The following GPHN variants were observed in gnomAD, a reference collection of about 807,000 sequenced individuals.
The protein encoded by GPHN is gephyrin.
GPHN carries 17 observed loss-of-function variants against 95.5 expected under a neutral mutation model. The ratio of observed to expected loss-of-function variants is 0.18; its 90% CI spans 0.12 to 0.27. The LOEUF is 0.27. Among genes scored for constraint, GPHN ranks in the 10% least tolerant of loss-of-function variants. The probability of loss-of-function intolerance (pLI) is 1.00; values close to 1 mark genes in which losing one functional copy is unlikely to be tolerated. For missense variants in GPHN, 660 were observed against 978.1 expected (o/e 0.67, Z 4.34); for synonymous variants, 320 against 322.5 (o/e 0.99, Z 0.08).
the GPHN span, chr14:67,586,404 T>C: frequency 7.4e-7 from 1 of 1,347,750 alleles, no homozygotes; most frequent in Non-Finnish European, 9.7e-7. Flanking sequence ...GGTGCTTACG[T>C]GCTCTTCTCT....
intron 12 of GPHN, among the ~76,000 whole-genome samples, chr14:67,100,491 C>A (rs2077637270): frequency 6.6e-6 from 1 of 152,228 alleles, no homozygotes; most frequent in East Asian, 1.9e-4. Flanking sequence ...ACACACACAT[C>A]ACACATACAT....
chr14:67,051,577 C>T (rs2075308301), intron 10 of GPHN, among the ~76,000 whole-genome samples: 1 of 152,142 alleles, frequency 6.6e-6, no homozygotes, highest in African/African-American at 2.4e-5. Flanking sequence ...GCAAGATAGG[C>T]CAACATTCAA....
intron 1 of GPHN, among the ~76,000 whole-genome samples, chr14:66,584,575 T>C (rs1221367192): frequency 6.6e-6 from 1 of 152,158 alleles, no homozygotes; most frequent in East Asian, 1.9e-4. Flanking sequence ...AATATCTAAT[T>C]TATTGAGAGT....
intron 3 of GPHN, among the ~76,000 whole-genome samples, chr14:66,791,599 A>C (rs1266917959): frequency 6.6e-6 from 1 of 152,216 alleles, no homozygotes; most frequent in African/African-American, 2.4e-5. Flanking sequence ...TGACATTGCC[A>C]TGGCATTTGT....
chr14:66,826,178 G>A (rs983696238), intron 4 of GPHN, among the ~76,000 whole-genome samples: 3 of 152,074 alleles, frequency 2.0e-5, no homozygotes, highest in African/African-American at 7.2e-5. Context: ...ATAATTGATC[G>A]TGGGGAAATA....
chr14:66,762,529 A>C (rs2058795729), intron 2 of GPHN, among the ~76,000 whole-genome samples: 1 of 149,024 alleles, frequency 6.7e-6, no homozygotes, highest in Non-Finnish European at 1.5e-5. Context: ...TCTAAGAAAT[A>C]TATGGATTTG....
At chr14:66,758,463 T>C (rs2058646633) in intron 2 of GPHN, among the ~76,000 whole-genome samples, 1 of 152,162 alleles carries the variant, frequency 6.6e-6, no homozygotes, top group Admixed American at 6.5e-5. Flanking sequence ...CAGAGGCTTG[T>C]CTAAGGATCC....
chr14:67,256,823 C>T, the GPHN span, among the ~76,000 whole-genome samples: 21 of 152,030 alleles, frequency 1.4e-4, no homozygotes, highest in Admixed American at 2.6e-4. Flanking sequence ...CACACACACA[C>T]ATGAAACTGA....
chr14:66,593,688 A>G (rs1349142769), intron 1 of GPHN, among the ~76,000 whole-genome samples: 2 of 152,152 alleles, frequency 1.3e-5, no homozygotes, highest in Non-Finnish European at 2.9e-5. Flanking sequence ...CATAATAAAG[A>G]CAATATACCA....
chr14:66,987,742 T>C (rs2071122437), intron 9 of GPHN, among the ~76,000 whole-genome samples: 1 of 152,050 alleles, frequency 6.6e-6, no homozygotes, highest in Non-Finnish European at 1.5e-5. Context: ...TTAATCAAAA[T>C]AAAATGTTGA....
intron 1 of GPHN, among the ~76,000 whole-genome samples, chr14:66,553,542 CT>C (rs1487704090): frequency 6.6e-6 from 1 of 151,968 alleles, no homozygotes; most frequent in East Asian, 1.9e-4. Flanking sequence ...CGTCAATATA[CT>C]GTTAATCCTC....
the GPHN span, chr14:67,724,663 A>G: frequency 8.6e-7 from 1 of 1,167,716 alleles, no homozygotes; most frequent in Non-Finnish European, 1.3e-6. Flanking sequence ...CTCTGTCCAT[A>G]TTGCTTTGTG....
intron 1 of GPHN, among the ~76,000 whole-genome samples, chr14:66,637,187 G>A (rs1243912976): frequency 6.6e-6 from 1 of 151,950 alleles, no homozygotes; most frequent in East Asian, 1.9e-4. Flanking sequence ...TAGAATATAG[G>A]GTGTGATTTG....
chr14:67,397,887 G>A, the GPHN span: 151 of 1,416,630 alleles, frequency 1.1e-4, no homozygotes, highest in South Asian at 2.0e-3. Context: ...GGTGTTCAGG[G>A]AGGGGGTGTC....
chr14:66,867,247 A>G (rs2063260318), intron 4 of GPHN, among the ~76,000 whole-genome samples: 1 of 152,154 alleles, frequency 6.6e-6, no homozygotes, highest in Non-Finnish European at 1.5e-5. Context: ...TCCAGATTGC[A>G]TCTTCTCTGT....
chr14:67,125,897 T>C (rs1313316165), intron 17 of GPHN, among the ~76,000 whole-genome samples: 1 of 152,212 alleles, frequency 6.6e-6, no homozygotes, highest in Non-Finnish European at 1.5e-5. Context: ...AAATTCTATA[T>C]GATTCTATTT....
At chr14:67,340,104 ACAAT>A in the GPHN span, 1 of 209,010 alleles carries the variant, frequency 4.8e-6, no homozygotes, top group African/African-American at 2.3e-5. Context: ...TCTATTACGC[ACAAT>A]CAGTTACAGA....
chr14:67,593,811 T>C, the GPHN span: 2 of 1,613,798 alleles, frequency 1.2e-6, no homozygotes, highest in Non-Finnish European at 1.7e-6. Context: ...GTGCTTTCTT[T>C]GCCTGAAGCA....
chr14:66,565,351 G>A (rs956905542), intron 1 of GPHN, among the ~76,000 whole-genome samples: 4 of 152,014 alleles, frequency 2.6e-5, no homozygotes, highest in Non-Finnish European at 5.9e-5. Flanking sequence ...GGCCGCAGCA[G>A]TGTATGGCTG....
Sources: allele counts gnomAD v4.1 joint callset (sites outside exome capture counted in the v4.1 genomes callset), GRCh38; gene constraint gnomAD v4.1.1; transcripts MANE v1.5; gene names NCBI Gene and HGNC (gene_info 2026-07-23, HGNC 2026-07-21).